Variants in PPP2R3A observed in about 807,000 individuals in gnomAD.
PPP2R3A encodes serine/threonine-protein phosphatase 2A regulatory subunit B'' subunit alpha.
A neutral mutation model predicts 106.9 loss-of-function variants in PPP2R3A; 80 were observed. The ratio of observed to expected loss-of-function variants is 0.75; its 90% CI spans 0.62 to 0.90. The LOEUF is 0.90. Among genes scored for constraint, PPP2R3A ranks in the 40% least tolerant of loss-of-function variants. The pLI, the probability that PPP2R3A is intolerant of heterozygous loss-of-function variation, is 0.00. For synonymous variants in PPP2R3A, 483 were observed against 468.3 expected, an observed-to-expected ratio of 1.03 and a Z score of -0.41; for missense variants, 1,386 against 1,350.4, an observed-to-expected ratio of 1.03 and a Z score of -0.41.
At chr3:136,061,465 T>C (rs1480106117) in intron 5 of PPP2R3A, among the ~76,000 whole-genome samples, 2 of 151,914 alleles carry the variant, frequency 1.3e-5, no homozygotes, top group Non-Finnish European at 2.9e-5. Context: ...ACATCTCTAC[T>C]AACAGTACAA....
chr3:136,145,196 T>G lies in PPP2R3A; in HGVS notation c.*30T>G. The G allele has an allele frequency of 6.3e-7, 1 of 1,586,300 alleles. No homozygotes were observed. Among genetic ancestry groups the G allele is most frequent in the African/African-American group, 1.4e-5 (1 of 73,388 alleles). On this transcript the variant is annotated 3_prime_UTR_variant, in exon 14 of 14. Coordinates refer to ENST00000264977, the MANE Select transcript of PPP2R3A (RefSeq NM_002718.5). ...CGGTGTCTACAATGAAACGAAGATG[T>G]GTATTTTAAATGTTTCTTTCTTGTG...
At chr3:136,000,131 C>T (rs547036071) in intron 1 of PPP2R3A, among the ~76,000 whole-genome samples, 2 of 152,286 alleles carry the variant, frequency 1.3e-5, no homozygotes, top group South Asian at 4.1e-4. Flanking sequence ...TCTTCTCTGA[C>T]AACCCTTCAT....
chr3:136,082,476 A>G, intron 8 of PPP2R3A, 55 bp downstream of exon 8: 1 of 1,556,766 alleles, frequency 6.4e-7, no homozygotes, highest in Non-Finnish European at 8.8e-7. Context: ...TATATAAATT[A>G]TCACTACTCA....
intron 13 of PPP2R3A, among the ~76,000 whole-genome samples, chr3:136,120,476 T>C (rs1246844835): frequency 6.6e-6 from 1 of 151,776 alleles, no homozygotes; most frequent in Non-Finnish European, 1.5e-5. Flanking sequence ...TAGTCCCAGC[T>C]ATTAAGGAGG....
intron 1 of PPP2R3A, among the ~76,000 whole-genome samples, chr3:135,999,126 C>A (rs527711214): frequency 1.3e-5 from 2 of 152,122 alleles, no homozygotes; most frequent in Admixed American, 6.5e-5. Context: ...CAGGGTCAGG[C>A]ACAGAGTAGG....
At chr3:136,100,564 A>T (rs1576502785) in intron 10 of PPP2R3A, among the ~76,000 whole-genome samples, 1 of 151,950 alleles carries the variant, frequency 6.6e-6, no homozygotes, top group East Asian at 1.9e-4. Flanking sequence ...CTGTCATCCC[A>T]GCTACTTAGG....
intron 2 of PPP2R3A, among the ~76,000 whole-genome samples, chr3:136,015,771 TG>T (rs758072135): frequency 1.6e-4 from 24 of 152,096 alleles, no homozygotes; most frequent in Non-Finnish European, 2.9e-4. Flanking sequence ...ACCAGCTTTT[TG>T]TTTCATTTCT....
chr3:136,008,146 G>A (rs1197660176), intron 2 of PPP2R3A, among the ~76,000 whole-genome samples: 1 of 152,166 alleles, frequency 6.6e-6, no homozygotes, highest in Non-Finnish European at 1.5e-5. Flanking sequence ...TAGGAACTTT[G>A]TTAAACGTTC....
At chr3:136,116,856 AG>A (rs1405499834) in intron 13 of PPP2R3A, among the ~76,000 whole-genome samples, 1 of 152,228 alleles carries the variant, frequency 6.6e-6, no homozygotes, top group Non-Finnish European at 1.5e-5. Flanking sequence ...AAGGATATTC[AG>A]GACTTGAACT....
At position 136,144,970 on chromosome 3, in the gene PPP2R3A, G is replaced by A. The variant is rs1939051851; in HGVS notation, c.3330-73G>A. 1.6e-5 allele frequency: 25 copies of A among 1,528,268 alleles called. No homozygotes were observed. The South Asian group carries it at 3.1e-4, about 19-fold the overall frequency. 94.7% of individuals were successfully genotyped at this position (1,528,268 alleles called of 1,614,324 possible). On this transcript the variant is annotated intron_variant, in intron 13 of 13. Transcript: ENST00000264977. Reference sequence around the variant, plus strand: ...CTTTGTGGGCTGGTCTTGAGGCTCGGATTTGCCATATTGATTTCTACCCAA... The same window carrying A: ...CTTTGTGGGCTGGTCTTGAGGCTCGAATTTGCCATATTGATTTCTACCCAA...
At chr3:136,034,907 T>C (rs1471685903) in intron 3 of PPP2R3A, among the ~76,000 whole-genome samples, 1 of 152,220 alleles carries the variant, frequency 6.6e-6, no homozygotes, top group Non-Finnish European at 1.5e-5. Context: ...GGAGCTCCAG[T>C]GTTAGTGCAT....
At chr3:136,111,602 A>C (rs138810564) in intron 13 of PPP2R3A, among the ~76,000 whole-genome samples, 2 of 152,284 alleles carry the variant, frequency 1.3e-5, no homozygotes, top group African/African-American at 4.8e-5. Context: ...ACCAGGAATA[A>C]ACCGAAACAC....
intron 5 of PPP2R3A, chr3:136,055,572 G>T: frequency 2.2e-6 from 3 of 1,394,716 alleles, no homozygotes; most frequent in Non-Finnish European, 3.1e-6. Flanking sequence ...CACAGAGCGG[G>T]TCTTTCTCTG....
chr3:135,974,311 C>A (rs1937333097), intron 1 of PPP2R3A, among the ~76,000 whole-genome samples: 1 of 152,194 alleles, frequency 6.6e-6, no homozygotes, highest in African/African-American at 2.4e-5. Context: ...TATACACCAA[C>A]AACTACATGC....
chr3:136,117,686 T>C (rs1316654765), intron 13 of PPP2R3A, among the ~76,000 whole-genome samples: 2 of 152,154 alleles, frequency 1.3e-5, no homozygotes, highest in African/African-American at 2.4e-5. Context: ...CAGGAAGAAG[T>C]TGAATCCCTG....
At chr3:136,039,049 T>C (rs1935172667) in intron 3 of PPP2R3A, among the ~76,000 whole-genome samples, 1 of 152,268 alleles carries the variant, frequency 6.6e-6, no homozygotes, top group East Asian at 1.9e-4. Flanking sequence ...TTGCCTTCCA[T>C]ATCTCCATGA....
At position 136,002,500 on chromosome 3, in the gene PPP2R3A, T is replaced by C; in HGVS notation, c.1002T>C (p.Tyr334=). 1.1e-5 allele frequency: 18 copies of C among 1,614,112 alleles called. No homozygotes were observed. Among genetic ancestry groups the C allele is most frequent in the Non-Finnish European group, 1.5e-5 (18 of 1,179,978 alleles). Residue 334 remains tyrosine (Y), a synonymous_variant, in exon 2 of 14, where the codon TAT becomes TAC. Transcript: ENST00000264977. The part of the protein sequence containing the change: ...PVFGTEQPPK[Y]EDVVQLSASD... ...TTGGCACTGAACAACCCCCTAAATA[T>C]GAAGATGTTGTCCAGCTCTCAGCTT...
chr3:135,973,854 A>G, intron 1 of PPP2R3A, among the ~76,000 whole-genome samples: 1 of 152,156 alleles, frequency 6.6e-6, no homozygotes, highest in Non-Finnish European at 1.5e-5. Flanking sequence ...ATATAAGACC[A>G]AACTCTCTTG....
At chr3:136,140,748 CAA>C (rs996175388) in intron 13 of PPP2R3A, among the ~76,000 whole-genome samples, 12 of 81,542 alleles carry the variant, frequency 1.5e-4, no homozygotes, top group Admixed American at 1.3e-4. Context: ...AACTCAGTCT[CAA>C]AAAAAAAAAA....
Sources: gnomAD v4.1 joint callset for allele counts (sites outside exome capture counted in the v4.1 genomes callset) on GRCh38, gnomAD v4.1.1 for gene constraint, MANE v1.5 for transcripts, NCBI Gene and HGNC (gene_info 2026-07-23, HGNC 2026-07-21) for gene names.